SORCS2: variants seen among roughly 807,000 people sequenced by gnomAD.
The protein encoded by SORCS2 is VPS10 domain-containing receptor SorCS2.
Under a neutral mutation model 141.6 loss-of-function variants are expected in SORCS2, and 100 were observed. The ratio of observed to expected loss-of-function variants is 0.71; its 90% confidence interval spans 0.60 to 0.83. The LOEUF (loss-of-function observed/expected upper bound fraction) is 0.83. Ranked by LOEUF, SORCS2 falls within the 40% of genes least tolerant of loss-of-function variation. The pLI, the probability that SORCS2 is intolerant of heterozygous loss-of-function variation, is 0.00. For synonymous variants in SORCS2, 789 were observed against 676.9 expected (o/e 1.17, Z -2.57); for missense variants, 1,646 against 1,560.2 (o/e 1.05, Z -0.93).
At chr4:7,638,249 C>A in intron 3 of SORCS2, 79 bp from the exon 4 acceptor site, 1 of 1,461,170 alleles carries the variant, frequency 6.8e-7, no homozygotes. Flanking sequence ...GCGCACCTGG[C>A]CCAGGCCTCA....
intron 3 of SORCS2, among the ~76,000 whole-genome samples, chr4:7,547,297 A>G (rs994106907): frequency 6.6e-6 from 1 of 152,184 alleles, no homozygotes; most frequent in African/African-American, 2.4e-5. Context: ...TGACTCCAGC[A>G]GCCTCCCCAC....
intron 9 of SORCS2, among the ~76,000 whole-genome samples, chr4:7,680,143 C>T (rs559687998): frequency 2.0e-5 from 3 of 152,326 alleles, no homozygotes; most frequent in Non-Finnish European, 4.4e-5. Flanking sequence ...CCCGGGCCTC[C>T]CTTCAGCTCC....
intron 1 of SORCS2, among the ~76,000 whole-genome samples, chr4:7,245,010 GT>G (rs1712984005): frequency 6.6e-6 from 1 of 152,218 alleles, no homozygotes; most frequent in South Asian, 2.1e-4. Flanking sequence ...GGAACCCAAG[GT>G]GGCCGCCTAC....
chr4:7,246,398 G>A (rs9761563), intron 1 of SORCS2, among the ~76,000 whole-genome samples: 16,929 of 151,020 alleles, frequency 0.11, 1,427 homozygotes, highest in African/African-American at 0.24. Flanking sequence ...GATCTCACCC[G>A]GGGCTTAAAT....
At chr4:7,534,219 A>T (rs1166005847) in intron 3 of SORCS2, among the ~76,000 whole-genome samples, 1 of 152,218 alleles carries the variant, frequency 6.6e-6, no homozygotes, top group Non-Finnish European at 1.5e-5. Context: ...TGCCGAGTGG[A>T]CACTGTAGCC....
At chr4:7,216,919 ACT>A (rs1728386956) in intron 1 of SORCS2, among the ~76,000 whole-genome samples, 1 of 86,700 alleles carries the variant, frequency 1.2e-5, no homozygotes, top group African/African-American at 5.8e-5. Context: ...AAGCGGAGTG[ACT>A]CTTCCAATTC....
At chr4:7,295,093 T>C (rs1176490830) in intron 1 of SORCS2, among the ~76,000 whole-genome samples, 1 of 2,668 alleles carries the variant, frequency 3.7e-4, no homozygotes. Flanking sequence ...CCCTCTCCCT[T>C]CTCCCCAGCT....
In SORCS2 at chr4:7,658,319, CTGGGTGAG is replaced by C. The variant is rs200592472; in HGVS notation, c.888-3173_888-3166del. Among the ~76,000 whole-genome samples the C allele has an allele frequency of 5.2e-3, 756 of 146,136 alleles. 6 individuals carry two copies. Among genetic ancestry groups the C allele is most frequent in the African/African-American group, 0.017 (709 of 41,042 alleles). ...AGTGGGTGAGTGAGTGAGTCTGTGA[CTGGGTGAG>C]TGGGTGAATGAATGAGTGAGGGCAG... On this transcript the variant is annotated intron_variant, in intron 5 of 26. Coordinates refer to ENST00000507866, the MANE Select transcript of SORCS2 (RefSeq NM_020777.3).
At chr4:7,650,365 C>T (rs572757818) in intron 4 of SORCS2, among the ~76,000 whole-genome samples, 33 of 152,182 alleles carry the variant, frequency 2.2e-4, no homozygotes, top group Admixed American at 1.6e-3. Flanking sequence ...CGCGACAGAA[C>T]GTGCTGTGTG....
chr4:7,471,655 G>A (rs1729986068), intron 2 of SORCS2, among the ~76,000 whole-genome samples: 1 of 152,232 alleles, frequency 6.6e-6, no homozygotes, highest in Admixed American at 6.5e-5. Context: ...TGCGTCCCTT[G>A]TACCCAGAGC....
chr4:7,621,439 CTA>C (rs1365960298), intron 3 of SORCS2, among the ~76,000 whole-genome samples: 32 of 143,770 alleles, frequency 2.2e-4, no homozygotes, highest in African/African-American at 6.6e-4. Flanking sequence ...GAGTGTGTGT[CTA>C]TGTGTGTGTC....
intron 1 of SORCS2, among the ~76,000 whole-genome samples, chr4:7,317,246 T>C (rs1718620416): frequency 6.6e-6 from 1 of 152,126 alleles, no homozygotes; most frequent in African/African-American, 2.4e-5. Context: ...CTGGGGGCTA[T>C]GGGAACCCAG....
chr4:7,714,586 T>C (rs1726061214), intron 16 of SORCS2, among the ~76,000 whole-genome samples: 1 of 152,150 alleles, frequency 6.6e-6, no homozygotes, highest in African/African-American at 2.4e-5. Flanking sequence ...AAGGAATTTG[T>C]GGGTGCATTT....
At chr4:7,335,989 G>C (rs545976566) in intron 1 of SORCS2, among the ~76,000 whole-genome samples, 5 of 152,352 alleles carry the variant, frequency 3.3e-5, no homozygotes, top group African/African-American at 1.2e-4. Context: ...GCATGCGCCT[G>C]AGTCTGTCCT....
chr4:7,689,553 C>A lies in SORCS2; in HGVS notation c.1556C>A (p.Thr519Asn). 6.2e-7 allele frequency: 1 copy of A among 1,605,388 alleles called. No homozygotes were observed. Among genetic ancestry groups the A allele is most frequent in the African/African-American group, 1.3e-5 (1 of 74,880 alleles). Residue 519 changes from threonine (T) to asparagine (N), a missense_variant, in exon 11 of 27, where the codon ACC becomes AAC. Thr to Asn is a moderately conservative substitution (Grantham distance 65, BLOSUM62 0). Coordinates refer to ENST00000507866, the MANE Select transcript of SORCS2 (RefSeq NM_020777.3). ...DNPYVSGTVHTKDTAPGLIMG... is the reference protein window; with the variant it reads ...DNPYVSGTVHNKDTAPGLIMG... ...CCCTACGTATCAGGCACCGTGCACA[C>A]CAAGGACACCGCCCCAGGCCTCATC...
At chr4:7,321,796 G>A (rs73208468) in intron 1 of SORCS2, among the ~76,000 whole-genome samples, 33,311 of 152,174 alleles carry the variant, frequency 0.22, 4,159 homozygotes, top group Non-Finnish European at 0.29. Context: ...GTGGGAATGT[G>A]CTTTGTGGAT....
chr4:7,310,079 G>C (rs1292077394), intron 1 of SORCS2, among the ~76,000 whole-genome samples: 1 of 152,218 alleles, frequency 6.6e-6, no homozygotes, highest in Non-Finnish European at 1.5e-5. Flanking sequence ...TGGAACTGGG[G>C]AGAAAGAGCT....
In SORCS2 at chr4:7,504,398, C is replaced by T. The variant is rs917579152; in HGVS notation, c.549-27132C>T. ...CCCGAGAGTGGGGGAAGTGGAGAGA[C>T]ACGAAGTCCCTGCTGGGTGCTGGGC... On this transcript the variant is annotated intron_variant, in intron 2 of 26. Transcript: ENST00000507866. 2.0e-5 allele frequency among the ~76,000 whole-genome samples: 3 copies of T among 152,228 alleles called. No homozygotes were observed. In the East Asian group the frequency reaches 5.8e-4, roughly 29 times the overall value.
In SORCS2 at chr4:7,648,548, A is replaced by G. The variant is rs1721231506; in HGVS notation, c.814-5586A>G. ...CAACTGCTGGGAACAAAACAGACCA[A>G]CCCCTGCCCTCGTGGGGCCTCCTTT... On this transcript the variant is annotated intron_variant, in intron 4 of 26. Coordinates refer to ENST00000507866, the MANE Select transcript of SORCS2 (RefSeq NM_020777.3). This position sits in a 1 kb window ranked among gnomAD's most constrained non-coding sequence, Gnocchi z 4.2. Among the ~76,000 whole-genome samples the G allele has an allele frequency of 6.6e-6, 1 of 150,910 alleles. No individual in the cohort carries two copies. The highest frequency in any genetic ancestry group is 2.0e-4 in the East Asian group (1 of 5,060).
Sources: gnomAD v4.1 joint callset for allele counts (sites outside exome capture counted in the v4.1 genomes callset) on GRCh38, gnomAD v4.1.1 for gene constraint, Gnocchi (gnomAD v3.1) non-coding constraint, MANE v1.5 for transcripts, NCBI Gene and HGNC (gene_info 2026-07-23, HGNC 2026-07-21) for gene names.